The following SLC38A8 variants were observed in gnomAD, a reference collection of about 807,000 sequenced individuals.
SLC38A8 encodes the protein solute carrier family 38 member 8, also known as amino acid transporter SLC38A8.
A neutral mutation model predicts 46.0 loss-of-function variants in SLC38A8; 65 were observed. That is an observed-to-expected ratio of 1.41 (90% CI 1.16 to 1.74). The LOEUF is 1.74. Ranked by LOEUF, SLC38A8 falls within the 40% of genes most tolerant of loss-of-function variation. The pLI is 0.00. For missense variants in SLC38A8, 998 were observed against 567.9 expected, an observed-to-expected ratio of 1.76 and a Z score of -7.70; for synonymous variants, 447 against 243.7, an observed-to-expected ratio of 1.83 and a Z score of -7.77.
At chr16:84,024,271 G>A (rs2085134206) in intron 6 of SLC38A8, among the ~76,000 whole-genome samples, 1 of 152,174 alleles carries the variant, frequency 6.6e-6, no homozygotes, top group Admixed American at 6.5e-5. Context: ...GGTTCCCGGG[G>A]GCTTGACCAT....
chr16:84,026,706 C>A (rs1247073738), intron 6 of SLC38A8, among the ~76,000 whole-genome samples: 1 of 152,192 alleles, frequency 6.6e-6, no homozygotes, highest in African/African-American at 2.4e-5. Flanking sequence ...AGCTTATCCA[C>A]ACAATGGAAT....
intron 9 of SLC38A8, among the ~76,000 whole-genome samples, chr16:84,014,880 C>G (rs13331229): frequency 1.3e-5 from 2 of 152,098 alleles, no homozygotes; most frequent in African/African-American, 4.8e-5. Flanking sequence ...ATCGCCCCCC[C>G]ACCTCCGGGG....
intron 10 of SLC38A8, among the ~76,000 whole-genome samples, chr16:84,010,120 G>C (rs116458458): frequency 3.1e-3 from 446 of 143,256 alleles, no homozygotes; most frequent in African/African-American, 0.012. Context: ...GCCTAGGCTG[G>C]AGTGCAGTGG....
chr16:84,022,291 G>C (rs1165516465), intron 7 of SLC38A8, among the ~76,000 whole-genome samples: 1 of 152,186 alleles, frequency 6.6e-6, no homozygotes, highest in African/African-American at 2.4e-5. Context: ...CCAATGCACT[G>C]TACGATCCTG....
At chr16:84,022,714 G>T in intron 7 of SLC38A8, 61 bp downstream of exon 7, 1 of 1,287,758 alleles carries the variant, frequency 7.8e-7, no homozygotes, top group Non-Finnish European at 1.1e-6. Flanking sequence ...GATACTCGCT[G>T]TTACTCTTGT....
At chr16:84,028,688 G>GC (rs1288310782) in intron 6 of SLC38A8, among the ~76,000 whole-genome samples, 171 of 80,742 alleles carry the variant, frequency 2.1e-3, no homozygotes, top group African/African-American at 6.8e-3. Context: ...CACCTCCCCT[G>GC]CCCCCCCTGC....
At chr16:84,040,166 C>G (rs1232584447) in intron 2 of SLC38A8, 1 of 152,232 alleles carries the variant, frequency 6.6e-6, no homozygotes, top group Non-Finnish European at 1.5e-5. Context: ...GCAGCCTCCC[C>G]CAAATCTTCC....
At chr16:84,029,595 C>T (rs376480959) in intron 5 of SLC38A8, 44 bp from the exon 6 acceptor site, 11 of 1,587,442 alleles carry the variant, frequency 6.9e-6, no homozygotes, top group Non-Finnish European at 9.5e-6. Flanking sequence ...AAGGGTCACA[C>T]CCGGAACAAC....
chr16:84,029,397 G>A lies in SLC38A8; in HGVS notation c.690+97C>T, dbSNP rs376979216. 5.2e-5 allele frequency: 67 copies of A among 1,286,452 alleles called. 1 individual carries two copies. The highest frequency in any genetic ancestry group is 5.0e-4 in the African/African-American group (34 of 67,328). The allele number at this position is 1,286,452 out of a possible 1,614,324, so 79.7% of individuals were successfully genotyped here. A position where few individuals can be genotyped will look rare whatever the true frequency, so the allele number is the denominator to read the frequency against. On this transcript the variant is annotated intron_variant, in intron 6 of 10. Transcript: ENST00000299709. Reference sequence around the variant, plus strand: ...TGTATCCTAGGAGAAGTCCTCAGACGCCTCCCTGACAGAGAAACCAAGGTT... The same window carrying A: ...TGTATCCTAGGAGAAGTCCTCAGACACCTCCCTGACAGAGAAACCAAGGTT...
chr16:84,018,515 G>C (rs1045268746), intron 7 of SLC38A8, among the ~76,000 whole-genome samples: 1 of 152,020 alleles, frequency 6.6e-6, no homozygotes, highest in African/African-American at 2.4e-5. Context: ...CACCGTGCCT[G>C]GCCTGGCCCA....
chr16:84,016,575 C>T lies in SLC38A8; in HGVS notation c.1106G>A (p.Ser369Asn). The change falls in exon 9 of 11, where the codon AGC (serine) becomes AAC (asparagine). Residue 369 changes from serine (S) to asparagine (N), a missense_variant. Transcript: ENST00000299709. ...LAMALFMPDL[S>N]EIVSIIGGIS... ...GCCTCCGATGATGCTGACGATCTCG[C>T]TGAGGTCAGGCATAAACAGCGCCAT... 6.2e-7 allele frequency: 1 copy of T among 1,614,090 alleles called. No homozygotes were observed.
chr16:84,014,155 T>A (rs1020140444), intron 9 of SLC38A8, among the ~76,000 whole-genome samples: 3 of 148,776 alleles, frequency 2.0e-5, no homozygotes, highest in Non-Finnish European at 1.5e-5. Context: ...AGGAGCTATG[T>A]GGCCACACCC....
intron 5 of SLC38A8, among the ~76,000 whole-genome samples, 192 bp downstream of exon 5, chr16:84,031,675 C>T (rs982579186): frequency 4.0e-5 from 6 of 151,426 alleles, no homozygotes; most frequent in Non-Finnish European, 7.4e-5. Flanking sequence ...TCGCTAGCCA[C>T]GGCCAGGTCC....
chr16:84,028,889 C>A (rs867644919), intron 6 of SLC38A8, among the ~76,000 whole-genome samples: 1 of 152,198 alleles, frequency 6.6e-6, no homozygotes, highest in Non-Finnish European at 1.5e-5. Context: ...AACCCCACCA[C>A]CTTGAGCGGA....
chr16:84,026,227 G>T (rs1209403006), intron 6 of SLC38A8, among the ~76,000 whole-genome samples: 1 of 138,064 alleles, frequency 7.2e-6, no homozygotes, highest in Non-Finnish European at 1.5e-5. Context: ...GGTTTCTACT[G>T]GTGTTTTGTT....
chr16:84,014,868 C>A (rs1203617312), intron 9 of SLC38A8, among the ~76,000 whole-genome samples: 1 of 152,194 alleles, frequency 6.6e-6, no homozygotes, highest in Admixed American at 6.5e-5. Flanking sequence ...CTCAATTCTT[C>A]CATCGCCCCC....
intron 3 of SLC38A8, 99 bp from the exon 4 acceptor site, chr16:84,033,568 C>A: frequency 1.5e-6 from 2 of 1,378,224 alleles, no homozygotes; most frequent in Non-Finnish European, 2.0e-6. Context: ...TGGACATCCA[C>A]CCTCAGCCAG....
rs201796499 is a variant in SLC38A8 at position 84,033,441 on chromosome 16, C to G, written c.417G>C (p.Pro139=). The stretch of plus-strand genomic sequence containing the variant: ...CTGCGTACCACGGCTGCGGGGCGGG[C>G]GGGGTGCCAGACAGGAGGGAGTCAC... ...KLCDSLLSGT[P]PAPQPWYADQ... is the part of the protein sequence containing the mutation. The change falls in exon 4 of 11, where the codon CCG becomes CCC. Residue 139 remains proline, a synonymous_variant. Transcript: ENST00000299709. 1 of 1,609,734 alleles carries G rather than the reference C, an allele frequency of 6.2e-7. No individual in the cohort carries two copies. The highest frequency in any genetic ancestry group is 2.2e-5 in the East Asian group (1 of 44,820).
intron 10 of SLC38A8, among the ~76,000 whole-genome samples, chr16:84,011,389 G>T (rs2084951284): frequency 6.6e-6 from 1 of 152,178 alleles, no homozygotes; most frequent in South Asian, 2.1e-4. Context: ...AATACCCAAG[G>T]CAGGTTTAGA....
Sources: gnomAD v4.1 joint callset for allele counts (sites outside exome capture counted in the v4.1 genomes callset) on GRCh38, gnomAD v4.1.1 for gene constraint, MANE v1.5 for transcripts, NCBI Gene and HGNC (gene_info 2026-07-23, HGNC 2026-07-21) for gene names.